The following SNCAIP variants were observed in gnomAD, a reference collection of about 807,000 sequenced individuals.
The protein encoded by SNCAIP is synuclein alpha interacting protein, also known as synphilin-1.
A neutral mutation model predicts 86.7 loss-of-function variants in SNCAIP; 43 were observed. That is an observed-to-expected ratio of 0.50 (90% CI 0.39 to 0.64). The LOEUF is 0.64. SNCAIP is among the 30% of genes least tolerant of loss of function. The pLI is 0.00. For synonymous variants in SNCAIP, 417 were observed against 427.2 expected, an observed-to-expected ratio of 0.98 and a Z score of 0.29; for missense variants, 981 against 1,103.1, an observed-to-expected ratio of 0.89 and a Z score of 1.57.
At chr5:122,323,789 C>A (rs369779362) in intron 1 of SNCAIP, among the ~76,000 whole-genome samples, 4 of 152,132 alleles carry the variant, frequency 2.6e-5, no homozygotes, top group African/African-American at 9.7e-5. Context: ...TACAGAAATT[C>A]GATCCAGGTT....
intron 2 of SNCAIP, among the ~76,000 whole-genome samples, chr5:122,393,610 G>A (rs1769916572): frequency 6.6e-6 from 1 of 152,076 alleles, no homozygotes; most frequent in African/African-American, 2.4e-5. Flanking sequence ...GTCATACCGG[G>A]GAGTTGCTAC....
At chr5:122,337,052 G>A (rs1160932764) in intron 1 of SNCAIP, 1 of 152,206 alleles carries the variant, frequency 6.6e-6, no homozygotes, top group Non-Finnish European at 1.5e-5. Context: ...AAGAAATGAT[G>A]CAAAATGTGG....
chr5:122,448,848 C>T (rs1224936601), intron 8 of SNCAIP, among the ~76,000 whole-genome samples: 1 of 144,550 alleles, frequency 6.9e-6, no homozygotes, highest in Admixed American at 7.1e-5. Context: ...AACCCCATCT[C>T]TACTAAAAAT....
Position 122,394,145 on chromosome 5 carries a change from T to C in SNCAIP, c.57+2954T>C, listed in dbSNP as rs553852676. The stretch of plus-strand genomic sequence containing the variant: ...TCTGACAGCCCCTAAGCCTCTTTCC[T>C]GGTTAAGTGGCAGGAGGGGGAGGAA... On this transcript the variant is annotated intron_variant, in intron 2 of 10. Coordinates refer to ENST00000261368, the MANE Select transcript of SNCAIP (RefSeq NM_005460.4). Among the ~76,000 whole-genome samples the C allele has an allele frequency of 5.9e-5, 9 of 152,198 alleles. No homozygotes were observed. In the South Asian group the frequency reaches 1.9e-3, roughly 32 times the overall value.
chr5:122,369,810 C>G (rs1290349456), intron 1 of SNCAIP: 2 of 152,186 alleles, frequency 1.3e-5, no homozygotes, highest in Non-Finnish European at 2.9e-5. Context: ...CTGTAAGGAG[C>G]TCCTCAATGG....
At chr5:122,358,079 A>C in intron 1 of SNCAIP, among the ~76,000 whole-genome samples, 1 of 151,738 alleles carries the variant, frequency 6.6e-6, no homozygotes, top group Non-Finnish European at 1.5e-5. Context: ...TGCCCTCATC[A>C]CTTTAATATT....
At chr5:122,454,838 T>C (rs1784409434) in intron 10 of SNCAIP, among the ~76,000 whole-genome samples, 2 of 152,174 alleles carry the variant, frequency 1.3e-5, no homozygotes, top group African/African-American at 4.8e-5. Context: ...GCCAGAAACA[T>C]TTCATTCTGT....
intron 3 of SNCAIP, among the ~76,000 whole-genome samples, chr5:122,410,240 C>T (rs112425147): frequency 9.3e-4 from 142 of 152,182 alleles, no homozygotes; most frequent in African/African-American, 3.1e-3. Flanking sequence ...ATTTTTTCCC[C>T]GAGGCATATT....
intron 2 of SNCAIP, among the ~76,000 whole-genome samples, chr5:122,400,608 G>A (rs1771594960): frequency 6.6e-6 from 1 of 152,190 alleles, no homozygotes; most frequent in African/African-American, 2.4e-5. Flanking sequence ...AGTCAGTAAG[G>A]GCTAAAGCAA....
At chr5:122,366,468 G>T (rs1763218203) in intron 1 of SNCAIP, among the ~76,000 whole-genome samples, 1 of 152,206 alleles carries the variant, frequency 6.6e-6, no homozygotes, top group South Asian at 2.1e-4. Context: ...TGGCAAAGGA[G>T]CCTAGGAAAT....
chr5:122,340,708 G>A (rs1200992106), intron 1 of SNCAIP, among the ~76,000 whole-genome samples: 1 of 152,118 alleles, frequency 6.6e-6, no homozygotes, highest in Admixed American at 6.5e-5. Context: ...ATGTGCATAA[G>A]TAATCATTTC....
At chr5:122,389,764 C>A (rs957886864) in intron 1 of SNCAIP, 1 of 152,012 alleles carries the variant, frequency 6.6e-6, no homozygotes, top group African/African-American at 2.4e-5. Flanking sequence ...CTAATCCTTT[C>A]TTGGATGGAC....
chr5:122,432,050 A>T lies in SNCAIP; in HGVS notation c.1264A>T (p.Ser422Cys). 6.3e-7 allele frequency: 1 copy of T among 1,599,818 alleles called. No homozygotes were observed. The highest frequency in any genetic ancestry group is 1.1e-5 in the South Asian group (1 of 90,806). Residue 422 changes from serine to cysteine, a missense_variant, in exon 6 of 11, where the codon AGC becomes TGC. By Grantham distance (112) the Ser-to-Cys change is moderately radical. Coordinates refer to ENST00000261368, the MANE Select transcript of SNCAIP (RefSeq NM_005460.4). ...ACTGAGTTGTTCTAAGGATTTTCCA[A>T]GCCTTATTCATTACGCAGGTTGCTA... ...AELSCSKDFP[S>C]LIHYAGCYGQ...
intron 2 of SNCAIP, among the ~76,000 whole-genome samples, chr5:122,403,077 T>G (rs576065361): frequency 7.9e-4 from 121 of 152,324 alleles, no homozygotes; most frequent in African/African-American, 2.7e-3. Context: ...TTGTTTTAGC[T>G]CTTCCAATTG....
intron 1 of SNCAIP, among the ~76,000 whole-genome samples, chr5:122,379,606 CTG>C (rs1766206343): frequency 6.6e-6 from 1 of 150,902 alleles, no homozygotes; most frequent in Admixed American, 6.6e-5. Flanking sequence ...GAGGGCATCC[CTG>C]TCTTGTGCCA....
intron 1 of SNCAIP, among the ~76,000 whole-genome samples, chr5:122,318,261 C>A (rs1752212291): frequency 6.6e-6 from 1 of 152,158 alleles, no homozygotes; most frequent in African/African-American, 2.4e-5. Flanking sequence ...TTTCTTCTTT[C>A]TCAAACTATG....
intron 1 of SNCAIP, among the ~76,000 whole-genome samples, chr5:122,357,317 C>T (rs1761219463): frequency 6.6e-6 from 1 of 152,064 alleles, no homozygotes; most frequent in Non-Finnish European, 1.5e-5. Context: ...CTCACTACAA[C>T]CTCCACCTCC....
Position 122,423,746 on chromosome 5 carries a change from A to G in SNCAIP, c.1002+7A>G, listed in dbSNP as rs574376579. The G allele has an allele frequency of 2.8e-5, 45 of 1,598,822 alleles. No homozygotes were observed. In the East Asian group the frequency reaches 7.6e-4, roughly 27 times the overall value. On this transcript the variant is annotated splice_region_variant and intron_variant, in intron 4 of 10. Coordinates refer to ENST00000261368, the MANE Select transcript of SNCAIP (RefSeq NM_005460.4). ...AGGACAGATCTCTCTCCTGGTAAGT[A>G]TAATCTAGTTCAGTATACATGTCAA...
At chr5:122,402,394 C>T (rs1285467466) in intron 2 of SNCAIP, among the ~76,000 whole-genome samples, 1 of 152,180 alleles carries the variant, frequency 6.6e-6, no homozygotes, top group African/African-American at 2.4e-5. Context: ...ATCCCTCCCT[C>T]TGAGCATGTG....
Sources: gnomAD v4.1 joint callset for allele counts (sites outside exome capture counted in the v4.1 genomes callset) on GRCh38, gnomAD v4.1.1 for gene constraint, MANE v1.5 for transcripts, NCBI Gene and HGNC (gene_info 2026-07-23, HGNC 2026-07-21) for gene names.